The following CCDC122 variants were observed in gnomAD, a reference collection of about 807,000 sequenced individuals.
CCDC122 encodes coiled-coil domain-containing protein 122.
CCDC122 carries 38 observed loss-of-function variants against 37.0 expected under a neutral mutation model. The ratio of observed to expected loss-of-function variants is 1.03; its 90% confidence interval spans 0.79 to 1.35. CCDC122 has a LOEUF of 1.35. Among genes scored for constraint, CCDC122 ranks in the 40% most tolerant of loss-of-function variants. CCDC122 has a pLI of 0.00. For synonymous variants in CCDC122, 83 were observed against 95.6 expected (o/e 0.87, Z 0.77); for missense variants, 305 against 310.0 (o/e 0.98, Z 0.12).
At chr13:43,826,235 A>T (rs1953039715) in intron 3 of CCDC122, among the ~76,000 whole-genome samples, 2 of 152,184 alleles carry the variant, frequency 1.3e-5, no homozygotes, top group Non-Finnish European at 1.5e-5. Flanking sequence ...TCACCATATT[A>T]AATAGTGCTA....
chr13:43,870,973 A>C (rs756060752), intron 2 of CCDC122, among the ~76,000 whole-genome samples: 2 of 152,118 alleles, frequency 1.3e-5, no homozygotes, highest in Non-Finnish European at 2.9e-5. Context: ...ACTTCATATC[A>C]AAATCTGTGC....
intron 6 of CCDC122, among the ~76,000 whole-genome samples, chr13:43,840,531 AC>A (rs1212535777): frequency 6.7e-6 from 1 of 150,064 alleles, no homozygotes; most frequent in African/African-American, 2.5e-5. Flanking sequence ...CCTCCCCACT[AC>A]CCCCACCCCA....
At chr13:43,854,810 T>C (rs1450608636) in intron 6 of CCDC122, 1 of 152,198 alleles carries the variant, frequency 6.6e-6, no homozygotes, top group African/African-American at 2.4e-5. Flanking sequence ...GGATGCAAGT[T>C]TGGTTCAACA....
chr13:43,859,530 T>C (rs1164707400), intron 5 of CCDC122, 142 bp downstream of exon 5: 1 of 615,932 alleles, frequency 1.6e-6, no homozygotes, highest in African/African-American at 1.9e-5. Flanking sequence ...TCCAAGTTTT[T>C]TTCAATTATG....
At chr13:43,874,274 A>G (rs1418307430) in intron 2 of CCDC122, among the ~76,000 whole-genome samples, 1 of 152,190 alleles carries the variant, frequency 6.6e-6, no homozygotes, top group Non-Finnish European at 1.5e-5. Flanking sequence ...TGCCTGCTTC[A>G]TTAGGGTTAT....
intron 4 of CCDC122, among the ~76,000 whole-genome samples, chr13:43,866,047 G>C (rs1954265932): frequency 6.6e-6 from 1 of 152,124 alleles, no homozygotes; most frequent in South Asian, 2.1e-4. Context: ...AGTGACTAAT[G>C]AATGGGTAGC....
chr13:43,846,488 G>T (rs1377427583), intron 6 of CCDC122, among the ~76,000 whole-genome samples: 1 of 152,196 alleles, frequency 6.6e-6, no homozygotes, highest in African/African-American at 2.4e-5. Flanking sequence ...CTAATAGTCA[G>T]TTAAATTACT....
chr13:43,832,468 T>C (rs1378765543), downstream of CCDC122, among the ~76,000 whole-genome samples: 1 of 152,166 alleles, frequency 6.6e-6, no homozygotes, highest in Non-Finnish European at 1.5e-5. Context: ...AGAGTTTTAA[T>C]TGCAATGTCC....
intron 6 of CCDC122, among the ~76,000 whole-genome samples, chr13:43,838,750 T>C (rs1217138137): frequency 7.2e-5 from 11 of 152,098 alleles, no homozygotes; most frequent in African/African-American, 2.7e-4. Context: ...GGGCAGGTCT[T>C]TGTGGTGTTT....
chr13:43,866,850 T>TA (rs888662789), intron 4 of CCDC122, among the ~76,000 whole-genome samples: 307 of 151,622 alleles, frequency 2.0e-3, no homozygotes, highest in African/African-American at 6.7e-3. Context: ...GGATTTTCTT[T>TA]AAAAAAAAAT....
chr13:43,859,688 C>A lies in CCDC122; in HGVS notation c.539G>T (p.Arg180Leu). The A allele has an allele frequency of 6.4e-7, 1 of 1,550,636 alleles. No individual in the cohort carries two copies. Among genetic ancestry groups the A allele is most frequent in the South Asian group, 1.3e-5 (1 of 79,062 alleles). ...TTTGCACACCTGTACTTGTGTTATT[C>A]GGTTCCCTCCTGGATTTTGAAGATC... ...MQDLQNPGGNRITQVQEDITN... is the reference protein window; with the variant it reads ...MQDLQNPGGNLITQVQEDITN... The change falls in exon 5 of 7, where the codon CGA becomes CTA. Residue 180 changes from arginine to leucine, a missense_variant. Transcript: ENST00000444614.
intron 4 of CCDC122, among the ~76,000 whole-genome samples, chr13:43,861,341 C>G (rs1954100164): frequency 2.6e-5 from 4 of 152,238 alleles, no homozygotes; most frequent in African/African-American, 9.6e-5. Flanking sequence ...GGAAGTGTGT[C>G]CATCCATTAT....
At chr13:43,876,101 C>T (rs1259139520) in intron 1 of CCDC122, among the ~76,000 whole-genome samples, 1 of 152,170 alleles carries the variant, frequency 6.6e-6, no homozygotes, top group East Asian at 1.9e-4. Context: ...GGTAAGTGAA[C>T]CACCAAAATG....
intron 6 of CCDC122, among the ~76,000 whole-genome samples, chr13:43,852,576 T>C (rs1285726966): frequency 1.3e-5 from 2 of 152,112 alleles, no homozygotes; most frequent in Non-Finnish European, 2.9e-5. Flanking sequence ...GTATATCATC[T>C]ATGAGAACTT....
chr13:43,870,373 T>G (rs950959177), intron 2 of CCDC122, among the ~76,000 whole-genome samples: 20 of 152,134 alleles, frequency 1.3e-4, no homozygotes, highest in African/African-American at 4.1e-4. Context: ...CACACAGAAC[T>G]GTCCCAGATT....
In CCDC122 at chr13:43,828,555, TACACACACACACACACACAC is replaced by T. The variant is rs56901535; in HGVS notation, n.602-4564_602-4545del. On this transcript the variant is annotated intron_variant and non_coding_transcript_variant, in intron 3 of 3. Transcript: ENST00000470137. ...TATTTGAGCCTATTTTATAGACAGA[TACACACACACACACACACAC>T]ACACACACACACACACACACACACG... 2.3e-4 allele frequency among the ~76,000 whole-genome samples: 33 copies of T among 146,244 alleles called. No homozygotes were observed. In the East Asian group the frequency reaches 4.3e-3, roughly 19 times the overall value.
At chr13:43,831,961 G>A (rs1369270122), downstream of CCDC122, among the ~76,000 whole-genome samples, 1 of 146,622 alleles carries the variant, frequency 6.8e-6, no homozygotes, top group Admixed American at 6.9e-5. Context: ...GGAATTTGAA[G>A]CGGCCTATTC....
intron 3 of CCDC122, among the ~76,000 whole-genome samples, chr13:43,828,056 A>C (rs997263243): frequency 4.6e-5 from 7 of 152,332 alleles, no homozygotes; most frequent in Non-Finnish European, 8.8e-5. Context: ...GACAGATTTT[A>C]AAGTGTTTAC....
chr13:43,831,736 A>G (rs1406145794), downstream of CCDC122, among the ~76,000 whole-genome samples: 1 of 152,156 alleles, frequency 6.6e-6, no homozygotes, highest in Non-Finnish European at 1.5e-5. Context: ...ATGGGTAAGA[A>G]GCCTTTTAAA....
Sources: allele counts gnomAD v4.1 joint callset (sites outside exome capture counted in the v4.1 genomes callset), GRCh38; gene constraint gnomAD v4.1.1; transcripts MANE v1.5; gene names NCBI Gene and HGNC (gene_info 2026-07-23, HGNC 2026-07-21).